Variants in NCALD observed in about 807,000 individuals in gnomAD.
The protein encoded by NCALD is neurocalcin-delta.
NCALD carries 10 observed loss-of-function variants against 18.6 expected under a neutral mutation model. The ratio of observed to expected loss-of-function variants is 0.54; its 90% CI spans 0.33 to 0.91. The LOEUF is 0.91. Among genes scored for constraint, NCALD ranks in the 40% least tolerant of loss-of-function variants. NCALD has a pLI of 0.03. For missense variants in NCALD, 184 were observed against 247.6 expected (o/e 0.74, Z 1.72); for synonymous variants, 88 against 87.4 (o/e 1.01, Z -0.04).
At chr8:101,981,873 A>T (rs2131942842) in intron 2 of NCALD, among the ~76,000 whole-genome samples, 3 of 152,080 alleles carry the variant, frequency 2.0e-5, no homozygotes, top group Admixed American at 2.0e-4. Context: ...TCCCCTACCA[A>T]TCTCATGCTG....
chr8:101,966,716 C>T (rs1479331063), intron 2 of NCALD, among the ~76,000 whole-genome samples: 1 of 152,064 alleles, frequency 6.6e-6, no homozygotes, highest in Non-Finnish European at 1.5e-5. Flanking sequence ...GAAGCTTAAA[C>T]TTGCTCTCCA....
At chr8:101,714,445 G>A (rs1815965079) in intron 2 of NCALD, among the ~76,000 whole-genome samples, 1 of 152,016 alleles carries the variant, frequency 6.6e-6, no homozygotes, top group Non-Finnish European at 1.5e-5. Flanking sequence ...GGGACGTGAA[G>A]GACCTCTTCA....
chr8:102,056,725 G>A (rs1244991343), intron 1 of NCALD, among the ~76,000 whole-genome samples: 1 of 152,208 alleles, frequency 6.6e-6, no homozygotes, highest in East Asian at 1.9e-4. Flanking sequence ...GAGACTTAAA[G>A]TCTCTTTAGA....
chr8:102,091,210 A>T (rs1824913421), intron 1 of NCALD, among the ~76,000 whole-genome samples: 3 of 152,232 alleles, frequency 2.0e-5, no homozygotes, highest in Admixed American at 6.5e-5. Context: ...GTGAAAAATA[A>T]TTATTCTTGC....
intron 4 of NCALD, among the ~76,000 whole-genome samples, chr8:101,866,588 T>A (rs1815779548): frequency 6.6e-6 from 1 of 152,204 alleles, no homozygotes; most frequent in Non-Finnish European, 1.5e-5. Context: ...CCTATTCTCA[T>A]AACGGCAATT....
chr8:102,040,567 G>A (rs1823016643), intron 1 of NCALD, among the ~76,000 whole-genome samples: 2 of 152,118 alleles, frequency 1.3e-5, no homozygotes, highest in African/African-American at 4.8e-5. Context: ...GTAACCTGTA[G>A]CTGGGAAAGA....
rs369201039 is a variant in NCALD, at chr8:102,106,445, G to GTATATATATATATATATA, written c.-210+17774_-210+17791dup. ...GTACGTGTAAAACTATTAGCATATA[G>GTATATATATATATATATA]TATATATATATATATATATATACAC... On this transcript the variant is annotated intron_variant, in intron 1 of 6. Transcript: ENST00000311028. Among the ~76,000 whole-genome samples the GTATATATATATATATATA allele has an allele frequency of 6.7e-3, 888 of 131,836 alleles. 4 individuals carry two copies. The highest frequency in any genetic ancestry group is 0.01 in the Non-Finnish European group (633 of 61,448). The allele number at this position is 131,836 out of a possible 152,430, so 86.5% of individuals were successfully genotyped here. A position where few individuals can be genotyped will look rare whatever the true frequency, so the allele number is the denominator to read the frequency against.
chr8:101,985,000 A>T (rs1820751792), intron 2 of NCALD, among the ~76,000 whole-genome samples: 1 of 152,186 alleles, frequency 6.6e-6, no homozygotes, highest in African/African-American at 2.4e-5. Flanking sequence ...AGAGTCAGGG[A>T]CATGGATTTT....
chr8:101,895,831 C>A (rs371821714), intron 3 of NCALD, among the ~76,000 whole-genome samples: 3,417 of 137,346 alleles, frequency 0.025, 71 homozygotes, highest in African/African-American at 0.039. Context: ...CTCTTCAAGG[C>A]GAACTACAAA....
At chr8:101,863,902 C>T (rs1401733949) in intron 4 of NCALD, among the ~76,000 whole-genome samples, 1 of 152,182 alleles carries the variant, frequency 6.6e-6, no homozygotes, top group African/African-American at 2.4e-5. Flanking sequence ...GGGAGAGGAG[C>T]CTTTAAAAAA....
chr8:101,688,428 A>C lies in NCALD; in HGVS notation c.*881T>G. The C allele has an allele frequency of 3.6e-6, 1 of 277,766 alleles. No homozygotes were observed. The highest frequency in any genetic ancestry group is 7.2e-6 in the Non-Finnish European group (1 of 138,730). 17.2% of individuals were successfully genotyped at this position (277,766 alleles called of 1,614,324 possible). ...CAGATATGACTTCCAAACAAGACAG[A>C]CATTCATTATAGTTGTCTTACTTCA... On this transcript the variant is annotated 3_prime_UTR_variant, in exon 4 of 4. Transcript: ENST00000220931.
intron 1 of NCALD, among the ~76,000 whole-genome samples, chr8:101,773,724 C>A (rs1291060967): frequency 6.6e-6 from 1 of 152,134 alleles, no homozygotes; most frequent in African/African-American, 2.4e-5. Flanking sequence ...GTTGAATATT[C>A]CTTTTCTAAA....
intron 1 of NCALD, among the ~76,000 whole-genome samples, chr8:102,077,613 T>C (rs1824389924): frequency 6.6e-6 from 1 of 152,182 alleles, no homozygotes; most frequent in Non-Finnish European, 1.5e-5. Context: ...GTCCTATCCC[T>C]TCCCCTTCTC....
At chr8:101,704,446 G>T (rs528851940) in intron 2 of NCALD, among the ~76,000 whole-genome samples, 1 of 152,112 alleles carries the variant, frequency 6.6e-6, no homozygotes, top group Non-Finnish European at 1.5e-5. Flanking sequence ...CTAGGATACC[G>T]CATGAGAAAA....
chr8:102,051,932 T>C lies in NCALD; in HGVS notation c.-209-31643A>G, dbSNP rs563047582. 1.6e-4 allele frequency among the ~76,000 whole-genome samples: 24 copies of C among 152,330 alleles called. No homozygotes were observed. In the South Asian group the frequency reaches 5.0e-3, roughly 32 times the overall value. On this transcript the variant is annotated intron_variant, in intron 1 of 6. Transcript: ENST00000311028. Reference sequence around the variant, plus strand: ...AACTATGCTGAAAAAGAAATTTCAATAAAAACTAAAGTAGAACTTCAAATG... The same window carrying C: ...AACTATGCTGAAAAAGAAATTTCAACAAAAACTAAAGTAGAACTTCAAATG...
intron 1 of NCALD, among the ~76,000 whole-genome samples, chr8:102,065,269 T>A (rs1419677529): frequency 6.7e-6 from 1 of 149,422 alleles, no homozygotes; most frequent in Non-Finnish European, 1.5e-5. Context: ...TTTTTTTTCA[T>A]ATCTGCCCAT....
At chr8:102,105,705 T>C (rs1487870720) in intron 1 of NCALD, among the ~76,000 whole-genome samples, 2 of 152,154 alleles carry the variant, frequency 1.3e-5, no homozygotes, top group Non-Finnish European at 2.9e-5. Flanking sequence ...TTGAACCCCA[T>C]GAGGCCCAGC....
intron 1 of NCALD, among the ~76,000 whole-genome samples, chr8:102,071,541 T>C (rs947930264): frequency 2.0e-5 from 3 of 152,118 alleles, no homozygotes; most frequent in Admixed American, 6.5e-5. Flanking sequence ...AAGGCATACA[T>C]ATTAGAAAGG....
intron 1 of NCALD, among the ~76,000 whole-genome samples, chr8:102,063,586 A>G (rs1404297943): frequency 6.6e-6 from 1 of 152,208 alleles, no homozygotes; most frequent in African/African-American, 2.4e-5. Context: ...CCATGCTGTT[A>G]TGATTTCTTC....
Sources: allele counts gnomAD v4.1 joint callset (sites outside exome capture counted in the v4.1 genomes callset), GRCh38; gene constraint gnomAD v4.1.1; transcripts MANE v1.5; gene names NCBI Gene and HGNC (gene_info 2026-07-23, HGNC 2026-07-21).